The following ADCY8 variants were observed in gnomAD, a reference collection of about 807,000 sequenced individuals.
ADCY8 encodes the protein adenylate cyclase type 8.
In ADCY8, 51 loss-of-function variants were observed where a neutral mutation model predicts 119.7. The observed-to-expected ratio is 0.43, with a 90% CI of 0.34 to 0.54. ADCY8 has a LOEUF of 0.54. ADCY8 is among the 20% of genes least tolerant of loss of function. The pLI, the probability that ADCY8 is intolerant of heterozygous loss-of-function variation, is 0.03. For synonymous variants in ADCY8, 665 were observed against 651.0 expected, an observed-to-expected ratio of 1.02 and a Z score of -0.33; for missense variants, 1,383 against 1,598.8, an observed-to-expected ratio of 0.87 and a Z score of 2.30.
intron 9 of ADCY8, among the ~76,000 whole-genome samples, chr8:130,864,255 C>CT (rs1563699556): frequency 6.6e-6 from 1 of 152,112 alleles, no homozygotes; most frequent in East Asian, 1.9e-4. Context: ...AAGATTTTCC[C>CT]TTTGTCTTGC....
At position 130,780,306 on chromosome 8, in the gene ADCY8, C is replaced by G; in HGVS notation, c.*84G>C. On this transcript the variant is annotated 3_prime_UTR_variant, in exon 18 of 18. Transcript: ENST00000286355. Reference sequence around the variant, plus strand: ...AAAGACCAACGAAACCATCCTTGTTCTAAAAAAAATTAAACCTTTTTATTA... The same window carrying G: ...AAAGACCAACGAAACCATCCTTGTTGTAAAAAAAATTAAACCTTTTTATTA... 9.4e-7 allele frequency: 1 copy of G among 1,066,190 alleles called. No homozygotes were observed. The highest frequency in any genetic ancestry group is 1.7e-5 in the African/African-American group (1 of 58,872). The allele number at this position is 1,066,190 out of a possible 1,614,324, so 66.0% of individuals were successfully genotyped here. A position where few individuals can be genotyped will look rare whatever the true frequency, so the allele number is the denominator to read the frequency against.
chr8:130,964,793 A>G (rs1333272573), intron 2 of ADCY8, among the ~76,000 whole-genome samples: 1 of 152,230 alleles, frequency 6.6e-6, no homozygotes, highest in Non-Finnish European at 1.5e-5. Flanking sequence ...ATCTATGACA[A>G]TATATGAGCA....
At chr8:130,818,340 G>A (rs182825944) in intron 13 of ADCY8, among the ~76,000 whole-genome samples, 2 of 152,262 alleles carry the variant, frequency 1.3e-5, no homozygotes, top group Non-Finnish European at 2.9e-5. Context: ...TTGTGGAGGC[G>A]TGGCTTCCTC....
intron 13 of ADCY8, among the ~76,000 whole-genome samples, chr8:130,817,856 C>A (rs1257494256): frequency 2.0e-5 from 3 of 152,096 alleles, no homozygotes; most frequent in East Asian, 3.9e-4. Context: ...TAACGTATTC[C>A]AGCTAATAAA....
At chr8:130,888,226 T>G (rs927959793) in intron 7 of ADCY8, among the ~76,000 whole-genome samples, 9 of 151,466 alleles carry the variant, frequency 5.9e-5, no homozygotes, top group Non-Finnish European at 1.3e-4. Flanking sequence ...TATAATAGAA[T>G]ACATATATTT....
At chr8:130,805,252 A>T (rs938550929) in intron 14 of ADCY8, among the ~76,000 whole-genome samples, 1 of 152,210 alleles carries the variant, frequency 6.6e-6, no homozygotes, top group African/African-American at 2.4e-5. Context: ...CCCTTATTTC[A>T]TCTATGGGGA....
At chr8:130,783,611 AT>A (rs1457405449) in intron 17 of ADCY8, 79 bp downstream of exon 17, 1 of 994,578 alleles carries the variant, frequency 1.0e-6, no homozygotes, top group East Asian at 2.4e-5. Context: ...GCTTTCCTGG[AT>A]TGATGCCCAA....
intron 1 of ADCY8, among the ~76,000 whole-genome samples, chr8:131,013,018 A>C (rs1403388426): frequency 6.6e-6 from 1 of 152,178 alleles, no homozygotes; most frequent in Non-Finnish European, 1.5e-5. Context: ...AAATAAACCT[A>C]ATCAATGGAT....
intron 14 of ADCY8, among the ~76,000 whole-genome samples, chr8:130,810,909 G>T (rs1488585582): frequency 6.6e-6 from 1 of 152,058 alleles, no homozygotes; most frequent in African/African-American, 2.4e-5. Flanking sequence ...CTTCTCCACT[G>T]GTCCTATGTG....
chr8:130,971,560 AG>A (rs776430752), intron 2 of ADCY8, among the ~76,000 whole-genome samples: 37 of 152,192 alleles, frequency 2.4e-4, no homozygotes, highest in Non-Finnish European at 2.9e-4. Context: ...AATTTACTGA[AG>A]AAAAGGTTAC....
At chr8:130,887,078 T>A (rs1337099699) in intron 7 of ADCY8, among the ~76,000 whole-genome samples, 1 of 152,092 alleles carries the variant, frequency 6.6e-6, no homozygotes, top group Non-Finnish European at 1.5e-5. Context: ...ATCTACTTTG[T>A]CCTTATTTTT....
rs762757271 is a variant in ADCY8, at chr8:130,903,739, A to T, written c.1911+33T>A. The T allele has an allele frequency of 1.0e-5, 16 of 1,607,432 alleles. No homozygotes were observed. In the East Asian group the frequency reaches 3.4e-4, roughly 34 times the overall value. On this transcript the variant is annotated intron_variant, in intron 7 of 17. Transcript: ENST00000286355. ...TGGAGATGCACACGAGCATGCATTC[A>T]TGGCCAAGCAGAAGGAGGAAGAGAG...
Position 131,039,573 on chromosome 8 carries a change from G to A in ADCY8, c.761C>T (p.Thr254Ile). The change falls in exon 1 of 18, where the codon ACC (threonine) becomes ATC (isoleucine). Residue 254 changes from threonine (T) to isoleucine (I), a missense_variant. Thr to Ile is a moderately conservative substitution (Grantham distance 89). This residue lies in a region of ADCY8 where 455 missense variants were observed against 435.3 expected (regional missense o/e 1.05). Coordinates refer to ENST00000286355, the MANE Select transcript of ADCY8 (RefSeq NM_001115.3). ...GAGGCCTGCTGCCAGGATCTGGGTG[G>A]TCATGGCCACCCAGGTGACCACGCC... is the stretch of plus-strand genomic sequence containing the variant. ...YSGVVTWVAM[T>I]TQILAAGLGY... The A allele has an allele frequency of 6.2e-7, 1 of 1,613,890 alleles. No individual in the cohort carries two copies.
intron 9 of ADCY8, among the ~76,000 whole-genome samples, chr8:130,856,677 A>G (rs1442219084): frequency 1.3e-5 from 2 of 152,232 alleles, no homozygotes; most frequent in East Asian, 3.8e-4. Context: ...CATAGCATAT[A>G]CATATCTACA....
chr8:130,821,131 T>A (rs1005151144), intron 13 of ADCY8, among the ~76,000 whole-genome samples: 1 of 152,248 alleles, frequency 6.6e-6, no homozygotes, highest in South Asian at 2.1e-4. Context: ...TTGAAAGAGA[T>A]GTATCCAAAG....
At chr8:131,008,554 C>T (rs1390392413) in intron 1 of ADCY8, among the ~76,000 whole-genome samples, 2 of 152,150 alleles carry the variant, frequency 1.3e-5, no homozygotes, top group African/African-American at 2.4e-5. Context: ...AATTAAGCCT[C>T]TTTTCTTTAT....
chr8:131,010,177 T>C (rs1053124112), intron 1 of ADCY8, among the ~76,000 whole-genome samples: 28 of 152,182 alleles, frequency 1.8e-4, no homozygotes, highest in African/African-American at 6.8e-4. Flanking sequence ...CCTCACAATA[T>C]ATGGACTTTC....
chr8:130,899,138 C>A (rs1431160243), intron 7 of ADCY8, among the ~76,000 whole-genome samples: 1 of 152,194 alleles, frequency 6.6e-6, no homozygotes, highest in African/African-American at 2.4e-5. Flanking sequence ...GTTTAGAATG[C>A]TCTTTTCCTG....
chr8:131,040,357 G>T lies in ADCY8; in HGVS notation c.-24C>A, dbSNP rs552220560. On this transcript the variant is annotated 5_prime_UTR_variant, in exon 1 of 18. Coordinates refer to ENST00000286355, the MANE Select transcript of ADCY8 (RefSeq NM_001115.3). Reference sequence around the variant, plus strand: ...ATGGCTCTGGGCCGCAGGGAAGGAGGCCCAGAACCTTGGGGAGGCAGCCGG... The same window carrying T: ...ATGGCTCTGGGCCGCAGGGAAGGAGTCCCAGAACCTTGGGGAGGCAGCCGG... The T allele has an allele frequency of 7.5e-5, 110 of 1,468,446 alleles. 3 individuals are homozygous for T. The South Asian group carries it at 1.5e-3, about 21-fold the overall frequency. 91.0% of individuals were successfully genotyped at this position (1,468,446 alleles called of 1,614,324 possible).
Sources: gnomAD v4.1 joint callset for allele counts (sites outside exome capture counted in the v4.1 genomes callset) on GRCh38, gnomAD v4.1.1 for gene constraint, gnomAD v4.1.1 regional missense constraint, MANE v1.5 for transcripts, NCBI Gene and HGNC (gene_info 2026-07-23, HGNC 2026-07-21) for gene names.